The following NSD1 variants were observed in gnomAD, a reference collection of about 807,000 sequenced individuals.
NSD1 encodes the protein nuclear receptor binding SET domain protein 1.
Under a neutral mutation model 242.7 loss-of-function variants are expected in NSD1, and 26 were observed. The ratio of observed to expected loss-of-function variants is 0.11; its 90% confidence interval spans 0.08 to 0.15. NSD1 has a LOEUF of 0.15. Among genes scored for constraint, NSD1 ranks in the 10% least tolerant of loss-of-function variants. NSD1 has a pLI of 1.00. For synonymous variants in NSD1, 1,106 were observed against 1,178.1 expected, an observed-to-expected ratio of 0.94 and a Z score of 1.25; for missense variants, 2,495 against 3,272.8, an observed-to-expected ratio of 0.76 and a Z score of 5.80.
rs1760488441 is a variant in NSD1, at chr5:177,299,854, G to A, written c.*4395G>A. ...ACTTCCAGGGTTGGGGCAGGCCAGA[G>A]CAAGGCGGTCTCATCGAGGTGGGTG... On this transcript the variant is annotated 3_prime_UTR_variant, in exon 23 of 23. Coordinates refer to ENST00000439151, the MANE Select transcript of NSD1 (RefSeq NM_022455.5). 4.3e-6 allele frequency: 1 copy of A among 233,264 alleles called. No individual in the cohort carries two copies. Among genetic ancestry groups the A allele is most frequent in the Non-Finnish European group, 8.5e-6 (1 of 118,160 alleles). 14.4% of individuals were successfully genotyped at this position (233,264 alleles called of 1,614,324 possible).
chr5:177,141,315 C>T (rs1756793767), intron 2 of NSD1, among the ~76,000 whole-genome samples: 1 of 136,572 alleles, frequency 7.3e-6, no homozygotes, highest in Non-Finnish European at 1.5e-5. Flanking sequence ...CCACCGCGCG[C>T]AGCCTTTTTT....
In NSD1 at chr5:177,135,376, T is replaced by C; in HGVS notation, c.273T>C (p.Ala91=). The C allele has an allele frequency of 1.2e-6, 2 of 1,613,024 alleles. No individual in the cohort carries two copies. Among genetic ancestry groups the C allele is most frequent in the Non-Finnish European group, 1.7e-6 (2 of 1,179,026 alleles). The change falls in exon 2 of 23, where the codon GCT becomes GCC. Residue 91 remains alanine (A), a synonymous_variant. Transcript: ENST00000439151. ...ATGTAGAGTATTTAAATGGGTCTGC[T>C]GATGGATCAGAATCCTTTCAAGACC... is the stretch of plus-strand genomic sequence containing the variant. ...MINVEYLNGS[A]DGSESFQDPE...
At chr5:177,261,624 T>C (rs1277863137) in intron 14 of NSD1, among the ~76,000 whole-genome samples, 3 of 152,170 alleles carry the variant, frequency 2.0e-5, no homozygotes, top group Non-Finnish European at 1.5e-5. Context: ...CTTTGAGGCA[T>C]CATTTGCCTT....
At chr5:177,280,188 A>G (rs185904754) in intron 17 of NSD1, among the ~76,000 whole-genome samples, 55 of 151,206 alleles carry the variant, frequency 3.6e-4, no homozygotes, top group Admixed American at 1.3e-3. Flanking sequence ...CGTGTTAGCC[A>G]GGATGGTCTC....
At chr5:177,196,784 GAA>G (rs1194992919) in intron 3 of NSD1, among the ~76,000 whole-genome samples, 1 of 152,114 alleles carries the variant, frequency 6.6e-6, no homozygotes, top group African/African-American at 2.4e-5. Context: ...TGCTGAAAAA[GAA>G]TGATGAAAAA....
rs587784192 is a variant in NSD1, at chr5:177,292,057, GT to G, written c.6366del (p.Phe2122LeufsTer28). On this transcript the variant is annotated frameshift_variant, in exon 22 of 23. Coordinates refer to ENST00000439151, the MANE Select transcript of NSD1 (RefSeq NM_022455.5). LOFTEE classifies it high-confidence loss of function. ...ATCACAAAGGAGCGAGAAGATGAGT[GT>G]TTTAGTTGTGGGGATGCTGGCCAGC... ...GEITKEREDE[C>X]FSCGDAGQLV... 6.2e-7 allele frequency: 1 copy of G among 1,614,028 alleles called. No homozygotes were observed. The highest frequency in any genetic ancestry group is 8.5e-7 in the Non-Finnish European group (1 of 1,180,014).
intron 5 of NSD1, among the ~76,000 whole-genome samples, chr5:177,212,741 G>A (rs910521963): frequency 6.6e-6 from 1 of 151,846 alleles, no homozygotes; most frequent in Non-Finnish European, 1.5e-5. Context: ...GTTATAGAAA[G>A]CAAATAGATT....
chr5:177,162,527 T>G (rs1301459923), intron 2 of NSD1, among the ~76,000 whole-genome samples: 2 of 151,924 alleles, frequency 1.3e-5, no homozygotes, highest in African/African-American at 4.8e-5. Context: ...TCATGAGTAG[T>G]TGGAACCACA....
rs35874885 is a variant in NSD1 at position 177,270,154 on chromosome 5, AGTCTTGTCTT to A, written c.5509+374_5509+383del. ...TAGCAGAGCTACATTTGCTCCAAGG[AGTCTTGTCTT>A]GTCTTGTCTTGTCTTGTCTTGTCTT... is the stretch of plus-strand genomic sequence containing the variant. On this transcript the variant is annotated intron_variant, in intron 16 of 22. Coordinates refer to ENST00000439151, the MANE Select transcript of NSD1 (RefSeq NM_022455.5). 2.8e-3 allele frequency among the ~76,000 whole-genome samples: 419 copies of A among 150,556 alleles called. 2 individuals are homozygous for A. Among genetic ancestry groups the A allele is most frequent in the African/African-American group, 6.9e-3 (281 of 40,912 alleles).
At position 177,238,742 on chromosome 5, in the gene NSD1, T is replaced by C. The variant is rs1336186054; in HGVS notation, c.4192+235T>C. ...TATGCTCCTTGCTCCAGTGTTGCTC[T>C]TCATGATTGTTGATCAGCCACTGTG... On this transcript the variant is annotated intron_variant, in intron 7 of 22. Transcript: ENST00000439151. The surrounding 1 kb of genome is among the most constrained non-coding windows in gnomAD (Gnocchi z 4.6). Among the ~76,000 whole-genome samples the C allele has an allele frequency of 6.6e-6, 1 of 152,204 alleles. No homozygotes were observed. Among genetic ancestry groups the C allele is most frequent in the African/African-American group, 2.4e-5 (1 of 41,446 alleles).
At chr5:177,182,133 C>CA (rs1760742153) in intron 2 of NSD1, among the ~76,000 whole-genome samples, 1 of 147,124 alleles carries the variant, frequency 6.8e-6, no homozygotes, top group African/African-American at 2.6e-5. Flanking sequence ...GCCTGGGTGA[C>CA]AGAGTGAGAC....
rs369956844 is a variant in NSD1 at position 177,210,242 on chromosome 5, T to G, written c.1843T>G (p.Cys615Gly). The G allele has an allele frequency of 1.0e-5, 16 of 1,598,136 alleles. No homozygotes were observed. In the East Asian group the frequency reaches 3.4e-4, roughly 34 times the overall value. Residue 615 changes from cysteine to glycine, a missense_variant, in exon 5 of 23, where the codon TGT becomes GGT. Cys to Gly is a radical substitution (Grantham distance 159). Around this residue, in one of 19 missense-constraint regions of NSD1, gnomAD observed 515 missense variants for 467.0 expected, o/e 1.10. Coordinates refer to ENST00000439151, the MANE Select transcript of NSD1 (RefSeq NM_022455.5). ...GAATAAACCCCAACGAAGCCTGGTG[T>G]GTGGTTCAAAAGTGAAGCTCTGCTA... ...EKNKPQRSLV[C>G]GSKVKLCYIG... is the part of the protein sequence containing the mutation.
chr5:177,143,822 G>A (rs1322560612), intron 2 of NSD1, among the ~76,000 whole-genome samples: 1 of 127,386 alleles, frequency 7.9e-6, no homozygotes, highest in Non-Finnish European at 1.6e-5. Flanking sequence ...AGTCTCTATC[G>A]CCCAGGCTGG....
At chr5:177,226,020 T>C (rs1236834396) in intron 5 of NSD1, among the ~76,000 whole-genome samples, 1 of 152,208 alleles carries the variant, frequency 6.6e-6, no homozygotes, top group Non-Finnish European at 1.5e-5. Context: ...GAGTTTCTCA[T>C]TTTTTAAGCA....
chr5:177,168,299 A>G (rs181394541), intron 2 of NSD1, among the ~76,000 whole-genome samples: 14 of 152,218 alleles, frequency 9.2e-5, no homozygotes, highest in Non-Finnish European at 1.9e-4. Context: ...GGAGGATTGA[A>G]TGCATTTTCA....
intron 2 of NSD1, among the ~76,000 whole-genome samples, chr5:177,158,293 C>CTTTCTTTCTTTCTTTTCTTTTCTTTCT (rs1758350204): frequency 1.3e-5 from 1 of 77,674 alleles, no homozygotes; most frequent in African/African-American, 4.7e-5. Context: ...TTCTTTCTTT[C>CTTTCTTTCTTTCTTTTCTTTTCTTTCT]TTTCTTTCTT....
In NSD1 at chr5:177,210,378, A is replaced by ACAGTGT; in HGVS notation, c.1981_1986dup (p.Ser661_Val662dup). The ACAGTGT allele has an allele frequency of 6.2e-7, 1 of 1,614,190 alleles. No individual in the cohort carries two copies. Among genetic ancestry groups the ACAGTGT allele is most frequent in the Admixed American group, 1.7e-5 (1 of 60,022 alleles). The stretch of plus-strand genomic sequence containing the variant: ...ATAGAACACAGCTCAGAGTCTGATA[A>ACAGTGT]CAGTGTCCTTGAAATTCCAGATGCT... On this transcript the variant is annotated inframe_insertion, in exon 5 of 23. Transcript: ENST00000439151.
At position 177,134,829 on chromosome 5, in the gene NSD1, A is replaced by T. The variant is rs1370475231; in HGVS notation, c.-17-258A>T. ...AGGGGTTTTAATTTTAGTTCATCCC[A>T]AGTGTCCACCAGTCTACAGAGGAGG... On this transcript the variant is annotated intron_variant, in intron 1 of 22. Transcript: ENST00000439151. The surrounding 1 kb of genome is among the most constrained non-coding windows in gnomAD (Gnocchi z 4.2). 6.6e-6 allele frequency among the ~76,000 whole-genome samples: 1 copy of T among 152,166 alleles called. No homozygotes were observed. Among genetic ancestry groups the T allele is most frequent in the Non-Finnish European group, 1.5e-5 (1 of 68,014 alleles).
intron 2 of NSD1, among the ~76,000 whole-genome samples, chr5:177,163,702 A>G (rs778470738): frequency 4.6e-5 from 7 of 152,166 alleles, no homozygotes; most frequent in Non-Finnish European, 1.0e-4. Context: ...CAGGATCTGT[A>G]CTAAGCACCT....
Sources: gnomAD v4.1 joint callset for allele counts (sites outside exome capture counted in the v4.1 genomes callset) on GRCh38, gnomAD v4.1.1 for gene constraint, gnomAD v4.1.1 regional missense constraint, Gnocchi (gnomAD v3.1) non-coding constraint, MANE v1.5 for transcripts, NCBI Gene and HGNC (gene_info 2026-07-23, HGNC 2026-07-21) for gene names.